Variants in PRKG1 observed in about 807,000 individuals in gnomAD.
PRKG1 encodes protein kinase cGMP-dependent 1.
Under a neutral mutation model 88.1 loss-of-function variants are expected in PRKG1, and 35 were observed. That is an observed-to-expected ratio of 0.40 (90% CI 0.30 to 0.53). PRKG1 has a LOEUF of 0.53. Among genes scored for constraint, PRKG1 ranks in the 20% least tolerant of loss-of-function variants. The pLI, the probability that PRKG1 is intolerant of heterozygous loss-of-function variation, is 0.59. For synonymous variants in PRKG1, 303 were observed against 292.5 expected (o/e 1.04, Z -0.37); for missense variants, 540 against 839.8 (o/e 0.64, Z 4.41).
chr10:51,709,684 A>G (rs1245088631), intron 3 of PRKG1, among the ~76,000 whole-genome samples: 2 of 152,202 alleles, frequency 1.3e-5, no homozygotes, highest in African/African-American at 4.8e-5. Context: ...TTTTCTGCCC[A>G]TGTAGTGGTC....
In PRKG1 at chr10:51,515,225, AT is replaced by A. The variant is rs1161627817; in HGVS notation, c.592+47390del. On this transcript the variant is annotated intron_variant, in intron 3 of 17. Coordinates refer to ENST00000373980, the MANE Select transcript of PRKG1 (RefSeq NM_006258.4). ...ACAACCAAGAAAGACAAAATAGGGA[AT>A]CAGCAGTTTTATTTCGTTCACAAGT... Among the ~76,000 whole-genome samples the A allele has an allele frequency of 2.0e-5, 3 of 152,236 alleles. No individual in the cohort carries two copies. In the East Asian group the frequency reaches 5.8e-4, roughly 29 times the overall value.
intron 2 of PRKG1, among the ~76,000 whole-genome samples, chr10:51,442,144 A>G (rs565319638): frequency 1.3e-5 from 2 of 152,116 alleles, no homozygotes; most frequent in African/African-American, 4.8e-5. Flanking sequence ...TGAAATAGAA[A>G]GTATTCACTA....
chr10:51,591,184 C>T (rs559197444), intron 3 of PRKG1, among the ~76,000 whole-genome samples: 20 of 152,178 alleles, frequency 1.3e-4, no homozygotes, highest in South Asian at 4.2e-4. Flanking sequence ...TGCACACATA[C>T]ACGCATGCAT....
chr10:51,715,962 C>A (rs777343620), intron 3 of PRKG1, among the ~76,000 whole-genome samples: 8 of 152,170 alleles, frequency 5.3e-5, no homozygotes, highest in East Asian at 1.9e-4. Flanking sequence ...TATTAGGATG[C>A]CAAGCCGTTC....
intron 2 of PRKG1, among the ~76,000 whole-genome samples, chr10:51,383,460 C>T (rs1432740761): frequency 6.6e-6 from 1 of 152,186 alleles, no homozygotes; most frequent in Non-Finnish European, 1.5e-5. Flanking sequence ...TTAATTTTTA[C>T]AGCAAGCCTA....
chr10:52,012,442 C>T (rs1170998913), intron 5 of PRKG1, among the ~76,000 whole-genome samples: 1 of 152,090 alleles, frequency 6.6e-6, no homozygotes, highest in Non-Finnish European at 1.5e-5. Flanking sequence ...CAGGGTTTCA[C>T]CGTGTTAGCC....
intron 2 of PRKG1, among the ~76,000 whole-genome samples, chr10:51,461,219 T>C (rs1316768839): frequency 6.6e-6 from 1 of 152,182 alleles, no homozygotes; most frequent in Non-Finnish European, 1.5e-5. Context: ...TCTTCACTCA[T>C]GTAGCTTCAA....
At chr10:51,588,613 T>C (rs1838230632) in intron 3 of PRKG1, among the ~76,000 whole-genome samples, 1 of 152,280 alleles carries the variant, frequency 6.6e-6, no homozygotes, top group Non-Finnish European at 1.5e-5. Flanking sequence ...GGTGATTTCT[T>C]CTTGGGAAAA....
intron 3 of PRKG1, among the ~76,000 whole-genome samples, chr10:51,627,923 T>TTCCTTCCCTTCCTTCCCTTCCTTCCC (rs1839384741): frequency 7.9e-5 from 3 of 38,088 alleles, no homozygotes; most frequent in Non-Finnish European, 2.4e-4. Context: ...CTTCCTTCCC[T>TTCCTTCCCTTCCTTCCCTTCCTTCCC]TCCTTTCTTC....
intron 4 of PRKG1, among the ~76,000 whole-genome samples, chr10:51,808,507 G>A (rs979523594): frequency 2.0e-5 from 3 of 152,078 alleles, no homozygotes; most frequent in Non-Finnish European, 2.9e-5. Context: ...GGAGGCTGAC[G>A]GGGGAGGATC....
chr10:51,336,841 A>G (rs1841887910), intron 2 of PRKG1, among the ~76,000 whole-genome samples: 1 of 152,214 alleles, frequency 6.6e-6, no homozygotes, highest in Non-Finnish European at 1.5e-5. Flanking sequence ...TGCCCAAAAT[A>G]ATTTATAGAT....
chr10:51,372,684 G>A (rs1391107331), intron 2 of PRKG1, among the ~76,000 whole-genome samples: 1 of 151,914 alleles, frequency 6.6e-6, no homozygotes, highest in Non-Finnish European at 1.5e-5. Context: ...ATTACAAATG[G>A]AAATAGATTT....
At chr10:52,092,274 G>T (rs1847075518) in intron 7 of PRKG1, among the ~76,000 whole-genome samples, 1 of 152,100 alleles carries the variant, frequency 6.6e-6, no homozygotes, top group South Asian at 2.1e-4. Flanking sequence ...TATGTGTAAA[G>T]TAACAGCCTA....
At chr10:51,618,955 T>TG (rs1839137008) in intron 3 of PRKG1, among the ~76,000 whole-genome samples, 1 of 150,082 alleles carries the variant, frequency 6.7e-6, no homozygotes, top group Non-Finnish European at 1.5e-5. Context: ...TTTTTTTTTT[T>TG]TAGTAGGGAC....
At chr10:51,988,134 T>G (rs1309707704) in intron 5 of PRKG1, among the ~76,000 whole-genome samples, 2 of 152,066 alleles carry the variant, frequency 1.3e-5, no homozygotes, top group East Asian at 3.8e-4. Context: ...TTTTTAAACT[T>G]TGCATAATAT....
At chr10:51,056,890 T>C (rs1202982773) in intron 1 of PRKG1, among the ~76,000 whole-genome samples, 1 of 152,218 alleles carries the variant, frequency 6.6e-6, no homozygotes, top group East Asian at 1.9e-4. Flanking sequence ...AATCTTCCTT[T>C]TCTTCCTCCA....
intron 2 of PRKG1, among the ~76,000 whole-genome samples, chr10:51,223,955 G>T: frequency 6.6e-6 from 1 of 152,122 alleles, no homozygotes; most frequent in East Asian, 1.9e-4. Context: ...AGTGTGCTTT[G>T]ATTAGGAGCA....
At chr10:51,113,038 A>G (rs951910222) in intron 1 of PRKG1, among the ~76,000 whole-genome samples, 2 of 152,212 alleles carry the variant, frequency 1.3e-5, no homozygotes, top group Non-Finnish European at 2.9e-5. Context: ...ATCCCTCATT[A>G]GCTGATGACA....
chr10:51,616,674 T>C lies in PRKG1; in HGVS notation c.592+148838T>C, dbSNP rs113567352. On this transcript the variant is annotated intron_variant, in intron 3 of 17. Transcript: ENST00000373980. ...GTGAACTTTTCCTCAGGCCTCTGGG[T>C]GGTGTGTGCAGTTACCAGCTATGCT... is the stretch of plus-strand genomic sequence containing the variant. Among the ~76,000 whole-genome samples the C allele has an allele frequency of 4.3e-3, 661 of 152,040 alleles. 4 individuals are homozygous for C. The highest frequency in any genetic ancestry group is 0.015 in the African/African-American group (636 of 41,452).
Sources: allele counts gnomAD v4.1 joint callset (sites outside exome capture counted in the v4.1 genomes callset), GRCh38; gene constraint gnomAD v4.1.1; transcripts MANE v1.5; gene names NCBI Gene and HGNC (gene_info 2026-07-23, HGNC 2026-07-21).